Variants in PARD3B observed in about 807,000 individuals in gnomAD.
The protein encoded by PARD3B is par-3 family cell polarity regulator beta, also known as partitioning defective 3 homolog B.
Under a neutral mutation model 130.2 loss-of-function variants are expected in PARD3B, and 103 were observed. The observed-to-expected ratio is 0.79, with a 90% CI of 0.67 to 0.93. The LOEUF (loss-of-function observed/expected upper bound fraction) is 0.93, where lower values mean the gene tolerates loss of function less well. Among genes scored for constraint, PARD3B ranks in the 40% least tolerant of loss-of-function variants. PARD3B has a pLI of 0.00. For missense variants in PARD3B, 1,609 were observed against 1,499.2 expected, an observed-to-expected ratio of 1.07 and a Z score of -1.21; for synonymous variants, 583 against 553.2, an observed-to-expected ratio of 1.05 and a Z score of -0.76.
chr2:205,104,595 T>G, intron 5 of PARD3B, 81 bp downstream of exon 5: 1 of 981,718 alleles, frequency 1.0e-6, no homozygotes, highest in Non-Finnish European at 1.6e-6. Flanking sequence ...GTTCTTACTT[T>G]ACAAGAAAGA....
intron 2 of PARD3B, among the ~76,000 whole-genome samples, chr2:204,755,994 C>T (rs189190830): frequency 6.6e-6 from 1 of 152,076 alleles, no homozygotes; most frequent in Non-Finnish European, 1.5e-5. Flanking sequence ...TACCTGGATA[C>T]TTGTCTATCT....
rs142558630 is a variant in PARD3B, at chr2:205,183,548, C to T, written c.1925-2216C>T. Among the ~76,000 whole-genome samples, 291 of 152,222 alleles carry T rather than the reference C, an allele frequency of 1.9e-3. 4 individuals carry two copies. The highest frequency in any genetic ancestry group is 0.013 in the Admixed American group (200 of 15,288). ...AGGTGGTGCAGGGGCACAGTGCAGGCGCTGCCTTTGTGCTTCTTTCCCCCT... is the reference window on the plus strand; with the variant it reads ...AGGTGGTGCAGGGGCACAGTGCAGGTGCTGCCTTTGTGCTTCTTTCCCCCT... On this transcript the variant is annotated intron_variant, in intron 13 of 22. Transcript: ENST00000406610. The surrounding 1 kb of genome is among the most constrained non-coding windows in gnomAD (Gnocchi z 5.2).
Position 205,265,652 on chromosome 2 carries a change from A to G in PARD3B, c.2185+19830A>G, listed in dbSNP as rs1462918505. 2.6e-5 allele frequency among the ~76,000 whole-genome samples: 4 copies of G among 152,050 alleles called. No individual in the cohort carries two copies. Among genetic ancestry groups the G allele is most frequent in the South Asian group, 2.1e-4 (1 of 4,832 alleles). On this transcript the variant is annotated intron_variant, in intron 16 of 22. Transcript: ENST00000406610. The surrounding 1 kb of genome is among the most constrained non-coding windows in gnomAD (Gnocchi z 4.3). ...GTTTTATTCACAAAAAGGAAAAACA[A>G]TATTTTATAGGAAAACATTAGTAAC...
chr2:205,592,822 T>A lies in PARD3B; in HGVS notation c.3261-22634T>A, dbSNP rs2054435155. ...ACCTTTCTCTTGGCCTCTGAGCTAC[T>A]TGCCCAAACCGAACTCTGTCTTCAA... On this transcript the variant is annotated intron_variant, in intron 22 of 22. Transcript: ENST00000406610. This position sits in a 1 kb window ranked among gnomAD's most constrained non-coding sequence, Gnocchi z 4.5. Among the ~76,000 whole-genome samples the A allele has an allele frequency of 6.6e-6, 1 of 152,242 alleles. No homozygotes were observed. Among genetic ancestry groups the A allele is most frequent in the South Asian group, 2.1e-4 (1 of 4,834 alleles).
intron 2 of PARD3B, among the ~76,000 whole-genome samples, chr2:204,871,857 T>G (rs929033976): frequency 6.6e-6 from 1 of 152,136 alleles, no homozygotes; most frequent in African/African-American, 2.4e-5. Context: ...CTTGTGGCAT[T>G]AAGTAGATTA....
intron 1 of PARD3B, among the ~76,000 whole-genome samples, chr2:204,555,480 C>G (rs2030856353): frequency 6.6e-6 from 1 of 152,196 alleles, no homozygotes; most frequent in South Asian, 2.1e-4. Context: ...ATTGCATGAA[C>G]CTGGGAGGTG....
At chr2:204,845,273 G>C (rs1441003393) in intron 2 of PARD3B, among the ~76,000 whole-genome samples, 4 of 152,062 alleles carry the variant, frequency 2.6e-5, no homozygotes, top group African/African-American at 9.7e-5. Flanking sequence ...AAAATAACTA[G>C]TTTGTTTAAA....
At position 205,015,624 on chromosome 2, in the gene PARD3B, A is replaced by T. The variant is rs1435833011; in HGVS notation, c.395-31957A>T. 6.6e-6 allele frequency among the ~76,000 whole-genome samples: 1 copy of T among 152,216 alleles called. No homozygotes were observed. The highest frequency in any genetic ancestry group is 1.5e-5 in the Non-Finnish European group (1 of 68,040). On this transcript the variant is annotated intron_variant, in intron 3 of 22. Transcript: ENST00000406610. This position sits in a 1 kb window ranked among gnomAD's most constrained non-coding sequence, Gnocchi z 4.5. ...AATCAATGAATGAGTAAATTGGAGG[A>T]TGTAATAAAGGTGGTTGACATCTGC...
chr2:205,462,383 G>T (rs1559116848), intron 20 of PARD3B, among the ~76,000 whole-genome samples: 1 of 151,894 alleles, frequency 6.6e-6, no homozygotes. Context: ...CAGTCTTAAT[G>T]TTTTTTTTGA....
chr2:205,324,476 A>ATTTC (rs1232171696), intron 18 of PARD3B, among the ~76,000 whole-genome samples: 1 of 152,138 alleles, frequency 6.6e-6, no homozygotes, highest in Non-Finnish European at 1.5e-5. Flanking sequence ...AAGTAACTGA[A>ATTTC]ATTTCCTTTC....
At chr2:205,434,646 G>T (rs969164890) in intron 19 of PARD3B, among the ~76,000 whole-genome samples, 1 of 152,056 alleles carries the variant, frequency 6.6e-6, no homozygotes, top group South Asian at 2.1e-4. Flanking sequence ...GAGAAAACTA[G>T]AGTTAAATAT....
intron 1 of PARD3B, among the ~76,000 whole-genome samples, chr2:204,562,416 A>C (rs2031376820): frequency 6.6e-6 from 1 of 152,212 alleles, no homozygotes; most frequent in South Asian, 2.1e-4. Context: ...AGGTGTTAAT[A>C]GGTGAATTTT....
intron 16 of PARD3B, among the ~76,000 whole-genome samples, chr2:205,267,570 C>T (rs1390020738): frequency 6.6e-6 from 1 of 152,140 alleles, no homozygotes; most frequent in Non-Finnish European, 1.5e-5. Flanking sequence ...GCATTCCAGG[C>T]AGCAGGGAGA....
At chr2:205,409,770 T>A (rs2046532780) in intron 19 of PARD3B, among the ~76,000 whole-genome samples, 1 of 152,178 alleles carries the variant, frequency 6.6e-6, no homozygotes, top group Non-Finnish European at 1.5e-5. Flanking sequence ...TCATGTACCC[T>A]GGAGTGATGT....
chr2:205,477,728 A>G (rs964313185), intron 20 of PARD3B, among the ~76,000 whole-genome samples: 1 of 152,228 alleles, frequency 6.6e-6, no homozygotes, highest in Non-Finnish European at 1.5e-5. Context: ...ATGAGAAACA[A>G]TATCTTGCTT....
In PARD3B at chr2:204,713,408, G is replaced by A. The variant is rs1349815580; in HGVS notation, c.222+27126G>A. On this transcript the variant is annotated intron_variant, in intron 2 of 22. Coordinates refer to ENST00000406610, the MANE Select transcript of PARD3B (RefSeq NM_001302769.2). ...AAAATAGGTTTATTGGGATAAAATA[G>A]ACGTACCATAAAATTTACCATTTTT... 3.5e-5 allele frequency among the ~76,000 whole-genome samples: 5 copies of A among 141,870 alleles called. No individual in the cohort carries two copies. In the South Asian group the frequency reaches 8.4e-4, roughly 24 times the overall value. The allele number at this position is 141,870 out of a possible 152,430, so 93.1% of individuals were successfully genotyped here.
intron 2 of PARD3B, among the ~76,000 whole-genome samples, chr2:204,920,390 A>G (rs1396805756): frequency 2.0e-5 from 3 of 152,332 alleles, no homozygotes; most frequent in East Asian, 3.9e-4. Context: ...CACCAAGGGC[A>G]TTATGATGTG....
chr2:204,890,785 A>T lies in PARD3B; in HGVS notation c.223-74367A>T, dbSNP rs1406315652. Among the ~76,000 whole-genome samples the T allele has an allele frequency of 1.3e-5, 2 of 152,152 alleles. No homozygotes were observed. Among genetic ancestry groups the T allele is most frequent in the Non-Finnish European group, 1.5e-5 (1 of 68,020 alleles). On this transcript the variant is annotated intron_variant, in intron 2 of 22. Transcript: ENST00000406610. This position sits in a 1 kb window ranked among gnomAD's most constrained non-coding sequence, Gnocchi z 4.9. ...CCTCCCATCCTGTGTTCCCTCACTC[A>T]TTTTTATTAAGTGATAGCACGTTTC...
In PARD3B at chr2:204,925,584, C is replaced by T. The variant is rs139159241; in HGVS notation, c.223-39568C>T. Among the ~76,000 whole-genome samples, 1,001 of 152,152 alleles carry T rather than the reference C, an allele frequency of 6.6e-3. 16 individuals are homozygous for T. Among genetic ancestry groups the T allele is most frequent in the African/African-American group, 0.022 (916 of 41,520 alleles). On this transcript the variant is annotated intron_variant, in intron 2 of 22. Transcript: ENST00000406610. ...CAGGAATTACGGCAAGATGAGGAAA[C>T]GAGTCAAAACTGTTTTTCAGAAGGA... is the stretch of plus-strand genomic sequence containing the variant.
Sources: allele counts gnomAD v4.1 joint callset (sites outside exome capture counted in the v4.1 genomes callset), GRCh38; gene constraint gnomAD v4.1.1; non-coding constraint Gnocchi (gnomAD v3.1); transcripts MANE v1.5; gene names NCBI Gene and HGNC (gene_info 2026-07-23, HGNC 2026-07-21).